DACH2: variants seen among roughly 807,000 people sequenced by gnomAD.
DACH2 encodes dachshund family transcription factor 2.
Under a neutral mutation model 35.8 loss-of-function variants are expected in DACH2, and 17 were observed. That is an observed-to-expected ratio of 0.48 (90% CI 0.33 to 0.71). The LOEUF is 0.71. DACH2 is among the 30% of genes least tolerant of loss of function. DACH2 has a pLI of 0.02. For synonymous variants in DACH2, 195 were observed against 177.3 expected (o/e 1.10, Z -0.79); for missense variants, 469 against 472.7 (o/e 0.99, Z 0.07).
At chrX:86,525,158 A>C (rs1165732649) in intron 3 of DACH2, among the ~76,000 whole-genome samples, 1 of 111,109 alleles carries the variant, frequency 9.0e-6, no homozygotes, top group East Asian at 2.8e-4. Context: ...TAAACAACAT[A>C]CTTTCCCAAA....
At chrX:86,583,369 A>C (rs1302091672) in intron 3 of DACH2, among the ~76,000 whole-genome samples, 5 of 110,496 alleles carry the variant, frequency 4.5e-5, no homozygotes, top group African/African-American at 1.6e-4. Context: ...TAGAGCCATC[A>C]GGCAAGAAAA....
At chrX:86,337,263 G>C (rs2035329237) in intron 1 of DACH2, among the ~76,000 whole-genome samples, 1 of 111,168 alleles carries the variant, frequency 9.0e-6, no homozygotes, top group Non-Finnish European at 1.9e-5. Flanking sequence ...GCAACTCCAA[G>C]ACACATAATT....
Position 86,641,386 on chromosome X carries a change from ACAGT to A in DACH2, c.641-9646_641-9643del, listed in dbSNP as rs768432731. Among the ~76,000 whole-genome samples the A allele has an allele frequency of 6.2e-5, 7 of 112,220 alleles. No homozygotes were observed. The Admixed American group carries it at 6.6e-4, about 11-fold the overall frequency. Reference sequence around the variant, plus strand: ...TTGAAGACTGGTTCTCTGAAATAAGACAGTCAGACAAAAATAAAGAAAGAAAATA... The same window carrying A: ...TTGAAGACTGGTTCTCTGAAATAAGACAGACAAAAATAAAGAAAGAAAATA... On this transcript the variant is annotated intron_variant, in intron 3 of 11. Coordinates refer to ENST00000373125, the MANE Select transcript of DACH2 (RefSeq NM_053281.3).
intron 4 of DACH2, among the ~76,000 whole-genome samples, chrX:86,690,106 A>G (rs773543762): frequency 1.8e-5 from 2 of 112,030 alleles, no homozygotes; most frequent in South Asian, 7.4e-4. Context: ...TCTTCAGTGA[A>G]TATTTTATTA....
chrX:86,413,651 A>G (rs1195439515), intron 2 of DACH2, among the ~76,000 whole-genome samples: 1 of 110,524 alleles, frequency 9.0e-6, no homozygotes, highest in Non-Finnish European at 1.9e-5. Context: ...ATTGTTTTTG[A>G]TTTACTATTT....
chrX:86,645,780 C>T (rs2040408159), intron 3 of DACH2, among the ~76,000 whole-genome samples: 1 of 111,027 alleles, frequency 9.0e-6, no homozygotes, highest in South Asian at 3.7e-4. Context: ...GGCTATCATC[C>T]TTAACAAACT....
intron 7 of DACH2, chrX:86,798,695 T>G (rs1293764861): frequency 1.6e-5 from 2 of 122,020 alleles, no homozygotes; most frequent in Non-Finnish European, 3.4e-5. Context: ...GGAATAAACT[T>G]GTTAAAAGAA....
intron 1 of DACH2, among the ~76,000 whole-genome samples, chrX:86,221,163 T>C (rs1309031966): frequency 9.0e-6 from 1 of 111,659 alleles, no homozygotes; most frequent in African/African-American, 3.3e-5. Flanking sequence ...TTTTCCTTTA[T>C]GTTTTCCTCT....
At chrX:86,750,400 A>G (rs2041760420) in intron 7 of DACH2, among the ~76,000 whole-genome samples, 1 of 111,878 alleles carries the variant, frequency 8.9e-6, no homozygotes, top group African/African-American at 3.2e-5. Flanking sequence ...GATTTTTCTA[A>G]GTAAATTCTA....
At chrX:86,590,232 A>T (rs1037043161) in intron 3 of DACH2, among the ~76,000 whole-genome samples, 5 of 112,062 alleles carry the variant, frequency 4.5e-5, no homozygotes, top group African/African-American at 1.3e-4. Flanking sequence ...GTAAAGGGCC[A>T]TTGCTGAGGC....
chrX:86,395,671 A>G (rs1311439166), intron 2 of DACH2, among the ~76,000 whole-genome samples: 1 of 111,123 alleles, frequency 9.0e-6, no homozygotes, highest in Non-Finnish European at 1.9e-5. Context: ...GTTTGCTGAG[A>G]ATGATGGTTT....
At chrX:86,460,892 T>G (rs1290724905) in intron 2 of DACH2, among the ~76,000 whole-genome samples, 1 of 111,260 alleles carries the variant, frequency 9.0e-6, no homozygotes, top group African/African-American at 3.3e-5. Flanking sequence ...TATTGCCTAT[T>G]CCCAATACAA....
chrX:86,250,165 C>T (rs1202062591), intron 1 of DACH2, among the ~76,000 whole-genome samples: 1 of 111,333 alleles, frequency 9.0e-6, no homozygotes, highest in Non-Finnish European at 1.9e-5. Context: ...ACAATTTACC[C>T]ATGTAACAAA....
intron 2 of DACH2, among the ~76,000 whole-genome samples, chrX:86,466,259 C>G (rs2037665269): frequency 9.0e-6 from 1 of 111,361 alleles, no homozygotes. Context: ...ATGGGGTAAA[C>G]AGCCCCCATG....
chrX:86,816,177 T>G (rs1207644880), intron 11 of DACH2, 78 bp downstream of exon 11: 3 of 565,773 alleles, frequency 5.3e-6, no homozygotes, highest in African/African-American at 2.4e-5. Context: ...GAGGTGGGGA[T>G]GAGCTTCTGT....
At chrX:86,408,684 C>A (rs1205470805) in intron 2 of DACH2, among the ~76,000 whole-genome samples, 1 of 111,475 alleles carries the variant, frequency 9.0e-6, no homozygotes, top group Non-Finnish European at 1.9e-5. Context: ...GTAGAAAAAA[C>A]ATCTGGGAGA....
intron 2 of DACH2, among the ~76,000 whole-genome samples, chrX:86,450,765 G>A (rs1409468240): frequency 9.3e-6 from 1 of 107,945 alleles, no homozygotes; most frequent in East Asian, 2.9e-4. Flanking sequence ...TTGCCATTCT[G>A]ACTGGCATGA....
At chrX:86,650,035 T>A (rs1416605062) in intron 3 of DACH2, among the ~76,000 whole-genome samples, 1 of 110,779 alleles carries the variant, frequency 9.0e-6, no homozygotes, top group Non-Finnish European at 1.9e-5. Context: ...TTCACTAGAC[T>A]TTTTGGAGGA....
intron 7 of DACH2, among the ~76,000 whole-genome samples, chrX:86,792,193 T>C (rs2042192746): frequency 9.0e-6 from 1 of 111,699 alleles, no homozygotes; most frequent in Non-Finnish European, 1.9e-5. Context: ...ATTTCCTTAT[T>C]ATAACTTTAT....
Sources: allele counts gnomAD v4.1 joint callset (sites outside exome capture counted in the v4.1 genomes callset), GRCh38; gene constraint gnomAD v4.1.1; transcripts MANE v1.5; gene names NCBI Gene and HGNC (gene_info 2026-07-23, HGNC 2026-07-21).